Variants in RASA3 observed in about 807,000 individuals in gnomAD.
RASA3 encodes the protein RAS p21 protein activator 3.
In RASA3, 73 loss-of-function variants were observed where a neutral mutation model predicts 110.0. That is an observed-to-expected ratio of 0.66 (90% CI 0.55 to 0.81). The LOEUF is 0.81. Among genes scored for constraint, RASA3 ranks in the 30% least tolerant of loss-of-function variants. The pLI, the probability that RASA3 is intolerant of heterozygous loss-of-function variation, is 0.00. For synonymous variants in RASA3, 500 were observed against 451.4 expected (o/e 1.11, Z -1.37); for missense variants, 976 against 1,113.2 (o/e 0.88, Z 1.75).
intron 9 of RASA3, among the ~76,000 whole-genome samples, chr13:114,020,701 G>C (rs1395081476): frequency 6.6e-6 from 1 of 152,214 alleles, no homozygotes; most frequent in African/African-American, 2.4e-5. Flanking sequence ...AGCACCTGGA[G>C]ACAACAGGAA....
chr13:113,981,596 C>A, intron 23 of RASA3, 79 bp downstream of exon 23: 1 of 1,509,230 alleles, frequency 6.6e-7, no homozygotes, highest in Non-Finnish European at 9.0e-7. Flanking sequence ...CACCCGGGAG[C>A]TCCCTGCAGC....
chr13:114,070,631 G>A (rs1292371925), intron 2 of RASA3, among the ~76,000 whole-genome samples: 2 of 151,934 alleles, frequency 1.3e-5, no homozygotes, highest in Non-Finnish European at 2.9e-5. Flanking sequence ...CGTGGGCAGG[G>A]CTGCCGGCGT....
chr13:114,079,987 G>A (rs1349219621), intron 1 of RASA3, among the ~76,000 whole-genome samples: 1 of 152,238 alleles, frequency 6.6e-6, no homozygotes, highest in Non-Finnish European at 1.5e-5. Flanking sequence ...ACGACCCCTG[G>A]CAACACAAGT....
intron 19 of RASA3, among the ~76,000 whole-genome samples, chr13:113,999,963 G>C (rs181551788): frequency 4.5e-5 from 1 of 22,034 alleles, no homozygotes; most frequent in African/African-American, 2.9e-4. Flanking sequence ...GCTGGGGGGG[G>C]GTCTCTGCTG....
intron 3 of RASA3, among the ~76,000 whole-genome samples, chr13:114,042,641 G>A (rs1304855272): frequency 6.6e-6 from 1 of 152,214 alleles, no homozygotes; most frequent in Non-Finnish European, 1.5e-5. Flanking sequence ...CGGCCACCCT[G>A]CCTCACGCCA....
chr13:114,073,946 T>C (rs2079624046), intron 1 of RASA3, 109 bp from the exon 2 acceptor site: 1 of 987,450 alleles, frequency 1.0e-6, no homozygotes, highest in South Asian at 1.3e-5. Flanking sequence ...TAGCTCTCTA[T>C]AAAGCCTTGG....
At chr13:114,037,692 A>G (rs1594365698) in intron 4 of RASA3, among the ~76,000 whole-genome samples, 1 of 152,260 alleles carries the variant, frequency 6.6e-6, no homozygotes, top group Admixed American at 6.5e-5. Flanking sequence ...GTTTTACCAC[A>G]TAAAAAACTG....
At chr13:114,026,847 C>T (rs558821002) in intron 7 of RASA3, among the ~76,000 whole-genome samples, 4 of 152,334 alleles carry the variant, frequency 2.6e-5, no homozygotes, top group East Asian at 3.9e-4. Flanking sequence ...CCATCCCAAA[C>T]GGGGTCACAT....
chr13:114,065,273 G>A lies in RASA3; in HGVS notation c.173+8447C>T, dbSNP rs778248374. Among the ~76,000 whole-genome samples, 24 of 152,340 alleles carry A rather than the reference G, an allele frequency of 1.6e-4. No homozygotes were observed. The highest frequency in any genetic ancestry group is 4.3e-4 in the African/African-American group (18 of 41,592). On this transcript the variant is annotated intron_variant, in intron 2 of 23. Transcript: ENST00000334062. The surrounding 1 kb of genome is among the most constrained non-coding windows in gnomAD (Gnocchi z 4.1). ...TCCCGCCTGCGGCTGCTCCCATCAC[G>A]TGATCATAAGAAAATAAACCTGGTT... is the stretch of plus-strand genomic sequence containing the variant.
chr13:114,063,301 A>G (rs986861211), intron 2 of RASA3, among the ~76,000 whole-genome samples: 5 of 151,248 alleles, frequency 3.3e-5, no homozygotes, highest in African/African-American at 1.2e-4. Flanking sequence ...AATAAAATAT[A>G]TAAATGTTAT....
chr13:114,118,054 G>T (rs1447848709), intron 1 of RASA3, among the ~76,000 whole-genome samples: 1 of 152,068 alleles, frequency 6.6e-6, no homozygotes, highest in Non-Finnish European at 1.5e-5. Context: ...GTTTAGAAGT[G>T]CCTTAATCTT....
intron 1 of RASA3, among the ~76,000 whole-genome samples, chr13:114,082,211 G>A (rs2079796639): frequency 1.3e-5 from 2 of 152,240 alleles, no homozygotes; most frequent in Non-Finnish European, 1.5e-5. Context: ...ACAGGGGCAG[G>A]CAGGAGGCCA....
intron 18 of RASA3, among the ~76,000 whole-genome samples, chr13:114,001,284 C>T (rs900276793): frequency 6.5e-4 from 99 of 152,230 alleles, no homozygotes; most frequent in African/African-American, 2.3e-3. Flanking sequence ...TCAGGGAGGG[C>T]AGCGGACGCC....
chr13:114,001,927 C>T (rs912896013), intron 18 of RASA3, among the ~76,000 whole-genome samples: 14 of 152,254 alleles, frequency 9.2e-5, no homozygotes, highest in East Asian at 1.9e-4. Flanking sequence ...CCTCAGGAAA[C>T]GTGGGGAGCA....
chr13:113,996,754 G>GT lies in RASA3; in HGVS notation c.1933-16_1933-15insA, dbSNP rs1363551280. ...ACCTGGAACATCTGAGGACACAGGT[G>GT]GGCTCAGGACAGCGCACATGAGGTC... On this transcript the variant is annotated splice_polypyrimidine_tract_variant and intron_variant, in intron 20 of 23. Transcript: ENST00000334062. The GT allele has an allele frequency of 7.4e-6, 12 of 1,611,496 alleles. No individual in the cohort carries two copies. Among genetic ancestry groups the GT allele is most frequent in the Non-Finnish European group, 1.0e-5 (12 of 1,178,334 alleles).
chr13:114,073,939 C>A, intron 1 of RASA3, 102 bp from the exon 2 acceptor site: 1 of 1,032,914 alleles, frequency 9.7e-7, no homozygotes, highest in Non-Finnish European at 1.5e-6. Context: ...CATTCACTAG[C>A]TCTCTATAAA....
chr13:114,027,254 CGGCT>C (rs2054042994), intron 7 of RASA3, 131 bp downstream of exon 7: 1 of 788,194 alleles, frequency 1.3e-6, no homozygotes, highest in Non-Finnish European at 2.0e-6. Flanking sequence ...AACCCAGGGC[CGGCT>C]GGCGGGGCTC....
At chr13:114,012,797 C>T (rs567635306) in intron 15 of RASA3, among the ~76,000 whole-genome samples, 9 of 118,836 alleles carry the variant, frequency 7.6e-5, no homozygotes, top group African/African-American at 2.8e-4. Context: ...CCACGCAGTC[C>T]ACGCACTCCA....
At chr13:114,046,795 A>G (rs2079060409) in intron 3 of RASA3, among the ~76,000 whole-genome samples, 1 of 152,234 alleles carries the variant, frequency 6.6e-6, no homozygotes, top group African/African-American at 2.4e-5. Flanking sequence ...CAATGCAGCC[A>G]ACTAAGCTGT....
Sources: gnomAD v4.1 joint callset for allele counts (sites outside exome capture counted in the v4.1 genomes callset) on GRCh38, gnomAD v4.1.1 for gene constraint, Gnocchi (gnomAD v3.1) non-coding constraint, MANE v1.5 for transcripts, NCBI Gene and HGNC (gene_info 2026-07-23, HGNC 2026-07-21) for gene names.